TIMP2: variants seen among roughly 807,000 people sequenced by gnomAD.
TIMP2 encodes metalloproteinase inhibitor 2.
TIMP2 carries 5 observed loss-of-function variants against 24.3 expected under a neutral mutation model. The observed-to-expected ratio is 0.21, with a 90% confidence interval of 0.11 to 0.43. TIMP2 has a LOEUF of 0.43. Among genes scored for constraint, TIMP2 ranks in the 20% least tolerant of loss-of-function variants. The pLI, the probability that TIMP2 is intolerant of heterozygous loss-of-function variation, is 1.00. For missense variants in TIMP2, 221 were observed against 297.5 expected, an observed-to-expected ratio of 0.74 and a Z score of 1.89; for synonymous variants, 130 against 123.2, an observed-to-expected ratio of 1.06 and a Z score of -0.37.
intron 3 of TIMP2, among the ~76,000 whole-genome samples, chr17:78,867,522 C>T (rs2069627324): frequency 6.6e-6 from 1 of 152,006 alleles, no homozygotes; most frequent in Admixed American, 6.6e-5. Context: ...TAGGCAAGGA[C>T]ACCACCTTCT....
rs924704049 is a variant in TIMP2, at chr17:78,854,184, C to T, written c.*1483G>A. ...AGACCACGCCCAGGCCGCCAAGCTT[C>T]GGTTTCATTGCGTGTGTATGTTTAC... is the stretch of plus-strand genomic sequence containing the variant. On this transcript the variant is annotated 3_prime_UTR_variant, in exon 5 of 5. Transcript: ENST00000262768. The T allele has an allele frequency of 2.0e-5, 3 of 152,098 alleles. No individual in the cohort carries two copies. Among genetic ancestry groups the T allele is most frequent in the East Asian group, 1.9e-4 (1 of 5,174 alleles). 9.4% of individuals were successfully genotyped at this position (152,098 alleles called of 1,614,324 possible).
chr17:78,908,158 G>C (rs994787280), intron 1 of TIMP2, among the ~76,000 whole-genome samples: 36 of 152,008 alleles, frequency 2.4e-4, no homozygotes, highest in Admixed American at 1.3e-3. Context: ...AAAAGAAAAA[G>C]CTATACCATG....
chr17:78,883,336 G>T (rs2069795298), intron 1 of TIMP2, among the ~76,000 whole-genome samples: 2 of 152,246 alleles, frequency 1.3e-5, no homozygotes, highest in African/African-American at 4.8e-5. Context: ...AGAGGCCCCA[G>T]GTCCACCCTC....
At chr17:78,866,639 C>T (rs141076726) in intron 3 of TIMP2, among the ~76,000 whole-genome samples, 7 of 152,084 alleles carry the variant, frequency 4.6e-5, no homozygotes, top group Non-Finnish European at 1.0e-4. Context: ...TGGCAACAAC[C>T]CAAATGCACA....
chr17:78,866,378 C>A (rs2069616256), intron 3 of TIMP2, among the ~76,000 whole-genome samples: 1 of 152,128 alleles, frequency 6.6e-6, no homozygotes. Context: ...TCCCTCTACC[C>A]TTCTCCATTT....
rs753536969 is a variant in TIMP2, at chr17:78,857,661, G to A, written c.341-15C>T. On this transcript the variant is annotated splice_polypyrimidine_tract_variant and intron_variant, in intron 3 of 4. Transcript: ENST00000262768. ...CTCGGCCTTTCCTGCGGAGAGACGG[G>A]GATCACCGAGCTCAGGGAGAGGGAA... 9 of 1,613,768 alleles carry A rather than the reference G, an allele frequency of 5.6e-6. No individual in the cohort carries two copies. Among genetic ancestry groups the A allele is most frequent in the African/African-American group, 2.7e-5 (2 of 74,918 alleles).
At chr17:78,922,604 G>A (rs2070316238) in intron 1 of TIMP2, among the ~76,000 whole-genome samples, 1 of 152,114 alleles carries the variant, frequency 6.6e-6, no homozygotes, top group South Asian at 2.1e-4. Flanking sequence ...GATCACCTGA[G>A]GCCAGGAGTT....
intron 1 of TIMP2, chr17:78,892,377 G>A (rs767996913): frequency 6.4e-6 from 10 of 1,550,524 alleles, no homozygotes; most frequent in South Asian, 5.9e-5. Context: ...TCCCAGGGAA[G>A]GTGCTTGGAG....
intron 1 of TIMP2, chr17:78,902,917 T>TCC (rs1213152472): frequency 6.6e-6 from 1 of 152,406 alleles, no homozygotes; most frequent in African/African-American, 2.4e-5. Flanking sequence ...TCCCTCACTC[T>TCC]CCTTCCCATC....
chr17:78,874,938 G>T (rs534471181), intron 1 of TIMP2, among the ~76,000 whole-genome samples: 4 of 151,954 alleles, frequency 2.6e-5, no homozygotes, highest in African/African-American at 9.7e-5. Context: ...AAAGCGTTTC[G>T]CCATGTTGGC....
chr17:78,893,185 AG>A (rs891177136), intron 1 of TIMP2, among the ~76,000 whole-genome samples: 3 of 103,906 alleles, frequency 2.9e-5, no homozygotes, highest in African/African-American at 1.3e-4. Flanking sequence ...ATGTGTGTGC[AG>A]GGGTGTGTGC....
intron 3 of TIMP2, among the ~76,000 whole-genome samples, chr17:78,864,813 A>C (rs746938179): frequency 1.3e-5 from 2 of 152,178 alleles, no homozygotes; most frequent in Non-Finnish European, 2.9e-5. Context: ...GCACTTTGGG[A>C]AGCCAAGGCA....
In TIMP2 at chr17:78,889,039, C is replaced by T. The variant is rs76981960; in HGVS notation, c.131-15120G>A. 8.4e-3 allele frequency among the ~76,000 whole-genome samples: 1,284 copies of T among 152,292 alleles called. 22 individuals are homozygous for T. Among genetic ancestry groups the T allele is most frequent in the African/African-American group, 0.03 (1,237 of 41,550 alleles). On this transcript the variant is annotated intron_variant, in intron 1 of 4. Transcript: ENST00000262768. ...GGCACAAAGGGCAGATGCCGCTCAC[C>T]ACCTATTTTTGTAGAGTCTCATTGG...
chr17:78,911,832 G>A (rs1283083559), intron 1 of TIMP2, among the ~76,000 whole-genome samples: 2 of 150,876 alleles, frequency 1.3e-5, no homozygotes, highest in South Asian at 2.1e-4. Flanking sequence ...GATCACTTGA[G>A]GTCAGGAGTT....
At chr17:78,885,203 G>A (rs890962957) in intron 1 of TIMP2, among the ~76,000 whole-genome samples, 3 of 152,256 alleles carry the variant, frequency 2.0e-5, no homozygotes, top group Non-Finnish European at 4.4e-5. Context: ...CCACAAGGCA[G>A]GGAGCAAAGA....
At chr17:78,899,980 T>C (rs1004745081) in intron 1 of TIMP2, 1 of 152,184 alleles carries the variant, frequency 6.6e-6, no homozygotes, top group African/African-American at 2.4e-5. Flanking sequence ...AGCTTACCCT[T>C]TCATATGGAA....
intron 3 of TIMP2, 50 bp downstream of exon 3, chr17:78,870,848 C>T (rs745621895): frequency 1.3e-6 from 2 of 1,533,712 alleles, no homozygotes; most frequent in Non-Finnish European, 1.8e-6. Context: ...CGTCTAGGAA[C>T]AGCCCCACTT....
rs1205176332 is a variant in TIMP2, at chr17:78,853,251, T to C, written c.*2416A>G. On this transcript the variant is annotated 3_prime_UTR_variant, in exon 5 of 5. Coordinates refer to ENST00000262768, the MANE Select transcript of TIMP2 (RefSeq NM_003255.5). ...AGCAAAGATTTGAAAATAACTACAATGTAAACTTTATTTTAAATATTTTGA... is the reference window on the plus strand; with the variant it reads ...AGCAAAGATTTGAAAATAACTACAACGTAAACTTTATTTTAAATATTTTGA... 6.6e-6 allele frequency: 1 copy of C among 152,628 alleles called. No homozygotes were observed. The highest frequency in any genetic ancestry group is 1.5e-5 in the Non-Finnish European group (1 of 68,044). The allele number at this position is 152,628 out of a possible 1,614,324, so 9.5% of individuals were successfully genotyped here. A position where few individuals can be genotyped will look rare whatever the true frequency, so the allele number is the denominator to read the frequency against.
At chr17:78,922,891 A>T (rs2070318656) in intron 1 of TIMP2, among the ~76,000 whole-genome samples, 1 of 152,174 alleles carries the variant, frequency 6.6e-6, no homozygotes, top group African/African-American at 2.4e-5. Context: ...TGTTCCTTGA[A>T]AATGGAACCA....
Sources: gnomAD v4.1 joint callset for allele counts (sites outside exome capture counted in the v4.1 genomes callset) on GRCh38, gnomAD v4.1.1 for gene constraint, MANE v1.5 for transcripts, NCBI Gene and HGNC (gene_info 2026-07-23, HGNC 2026-07-21) for gene names.